The following TENM3 variants were observed in gnomAD, a reference collection of about 807,000 sequenced individuals.
TENM3 encodes teneurin transmembrane protein 3, also known as teneurin-3.
Under a neutral mutation model 255.1 loss-of-function variants are expected in TENM3, and 63 were observed. The observed-to-expected ratio is 0.25, with a 90% CI of 0.20 to 0.30. The LOEUF (loss-of-function observed/expected upper bound fraction) is 0.30. Ranked by LOEUF, TENM3 falls within the 10% of genes least tolerant of loss-of-function variation. The pLI is 1.00. For missense variants in TENM3, 2,929 were observed against 3,461.1 expected (o/e 0.85, Z 3.86); for synonymous variants, 1,306 against 1,322.3 (o/e 0.99, Z 0.27).
the TENM3 span, among the ~76,000 whole-genome samples, chr4:181,710,581 G>A: frequency 2.0e-5 from 3 of 152,080 alleles, no homozygotes; most frequent in Non-Finnish European, 4.4e-5. Context: ...CGGGCATGGT[G>A]GCAGGTGCCT....
intron 3 of TENM3, among the ~76,000 whole-genome samples, chr4:182,375,258 T>C (rs1474697277): frequency 2.6e-5 from 4 of 151,934 alleles, no homozygotes; most frequent in Admixed American, 2.6e-4. Flanking sequence ...AGATCATAAG[T>C]ATCAAGAAAA....
In TENM3 at chr4:182,775,125, A is replaced by G. The variant is rs1327839064; in HGVS notation, c.5276A>G (p.Lys1759Arg). Residue 1759 changes from lysine (K) to arginine (R), a missense_variant, in exon 24 of 28, where the codon AAA becomes AGA. Lys to Arg is a conservative substitution (Grantham distance 26). Around this residue, in one of 6 missense-constraint regions of TENM3, gnomAD observed 303 missense variants for 425.2 expected, o/e 0.71. Transcript: ENST00000511685. ...TTCCGAAAAGAGCAAGCCCAAGGGA[A>G]AGTCAATGTCTTTGGCCGCAAGCTC... ...WRFRKEQAQGKVNVFGRKLRV... is the reference protein window; with the variant it reads ...WRFRKEQAQGRVNVFGRKLRV... 3.1e-6 allele frequency: 5 copies of G among 1,614,030 alleles called. No individual in the cohort carries two copies. The highest frequency in any genetic ancestry group is 4.2e-6 in the Non-Finnish European group (5 of 1,179,888).
At position 182,706,879 on chromosome 4, in the gene TENM3, G is replaced by A. The variant is rs1053607095; in HGVS notation, c.2222-7208G>A. On this transcript the variant is annotated intron_variant, in intron 12 of 27. Transcript: ENST00000511685. The stretch of plus-strand genomic sequence containing the variant: ...CGAGGTGGGAGGATCACCCAAGCCC[G>A]GGAAGTTGAGGCTGCAGTGAGCCAA... Among the ~76,000 whole-genome samples, 7 of 151,796 alleles carry A rather than the reference G, an allele frequency of 4.6e-5. No homozygotes were observed. In the East Asian group the frequency reaches 1.2e-3, roughly 25 times the overall value.
the TENM3 span, among the ~76,000 whole-genome samples, chr4:181,591,520 A>G: frequency 6.6e-6 from 1 of 152,224 alleles, no homozygotes; most frequent in Non-Finnish European, 1.5e-5. Flanking sequence ...TTGTTCAAGC[A>G]TACTATAGCA....
chr4:182,194,351 C>T (rs1008170236), intron 1 of TENM3, among the ~76,000 whole-genome samples: 1 of 152,168 alleles, frequency 6.6e-6, no homozygotes, highest in African/African-American at 2.4e-5. Context: ...TACTGATGCA[C>T]GCGTGTTGCC....
chr4:182,439,687 C>T (rs1772314724), intron 3 of TENM3, among the ~76,000 whole-genome samples: 1 of 152,202 alleles, frequency 6.6e-6, no homozygotes, highest in Admixed American at 6.5e-5. Context: ...GACATTCACC[C>T]CATTATTCTA....
At position 182,456,956 on chromosome 4, in the gene TENM3, G is replaced by A. The variant is rs541780881; in HGVS notation, c.511+110027G>A. Among the ~76,000 whole-genome samples, 15 of 152,294 alleles carry A rather than the reference G, an allele frequency of 9.8e-5. No individual in the cohort carries two copies. The South Asian group carries it at 2.7e-3, about 27-fold the overall frequency. ...CCAGCACATTGGGAGGCCGAGGCAA[G>A]TGGATCACCTCAGGTCAGGAGTTCA... On this transcript the variant is annotated intron_variant, in intron 3 of 27. Coordinates refer to ENST00000511685, the MANE Select transcript of TENM3 (RefSeq NM_001080477.4).
the TENM3 span, among the ~76,000 whole-genome samples, chr4:182,073,997 T>G: frequency 6.6e-6 from 1 of 152,174 alleles, no homozygotes; most frequent in East Asian, 1.9e-4. Flanking sequence ...GGATAAGATT[T>G]TCCTCTGAAT....
At chr4:181,870,885 T>A in the TENM3 span, among the ~76,000 whole-genome samples, 1 of 152,130 alleles carries the variant, frequency 6.6e-6, no homozygotes, top group Admixed American at 6.5e-5. Context: ...CAATACCAGG[T>A]TTGAAAATCT....
intron 3 of TENM3, among the ~76,000 whole-genome samples, chr4:182,403,558 G>T (rs964456588): frequency 2.6e-5 from 4 of 152,192 alleles, no homozygotes; most frequent in Non-Finnish European, 5.9e-5. Flanking sequence ...ACTGAATTAT[G>T]TTTAAGTATT....
At position 182,685,349 on chromosome 4, in the gene TENM3, A is replaced by G. The variant is rs558454042; in HGVS notation, c.2036-2817A>G. On this transcript the variant is annotated intron_variant, in intron 11 of 27. Coordinates refer to ENST00000511685, the MANE Select transcript of TENM3 (RefSeq NM_001080477.4). ...ATTCACATCTGCTAGAGCAAATAAC[A>G]TGCATAGAATAAATAAGAGTAAAAA... is the stretch of plus-strand genomic sequence containing the variant. Among the ~76,000 whole-genome samples the G allele has an allele frequency of 2.6e-5, 4 of 152,202 alleles. No homozygotes were observed. In the East Asian group the frequency reaches 7.7e-4, roughly 29 times the overall value.
chr4:181,506,260 A>C, the TENM3 span, among the ~76,000 whole-genome samples: 1,478 of 152,206 alleles, frequency 9.7e-3, 7 homozygotes, highest in Non-Finnish European at 0.016. Context: ...TTGGGATATA[A>C]CACTATTTTG....
chr4:181,670,946 T>G, the TENM3 span, among the ~76,000 whole-genome samples: 43,722 of 152,132 alleles, frequency 0.29, 6,463 homozygotes, highest in African/African-American at 0.34. Flanking sequence ...ATGGGATTCT[T>G]GGCAAATTAT....
At chr4:182,002,981 C>T in the TENM3 span, among the ~76,000 whole-genome samples, 1 of 152,136 alleles carries the variant, frequency 6.6e-6, no homozygotes, top group African/African-American at 2.4e-5. Flanking sequence ...TTGTATATAA[C>T]TGTCACCAGA....
the TENM3 span, among the ~76,000 whole-genome samples, chr4:181,915,764 G>A: frequency 6.6e-6 from 1 of 151,936 alleles, no homozygotes; most frequent in Admixed American, 6.6e-5. Flanking sequence ...TGAGGAACAG[G>A]AAGGTGATTC....
chr4:181,847,906 C>G, the TENM3 span, among the ~76,000 whole-genome samples: 6 of 152,048 alleles, frequency 3.9e-5, no homozygotes, highest in Admixed American at 2.0e-4. Flanking sequence ...TGTGTAATTG[C>G]AAAACCTGCT....
At chr4:181,797,863 G>T in the TENM3 span, among the ~76,000 whole-genome samples, 1 of 152,138 alleles carries the variant, frequency 6.6e-6, no homozygotes, top group Admixed American at 6.6e-5. Flanking sequence ...AACCTATGAG[G>T]CGATAACCCT....
At chr4:182,410,878 A>G (rs973540369) in intron 3 of TENM3, among the ~76,000 whole-genome samples, 3 of 152,240 alleles carry the variant, frequency 2.0e-5, no homozygotes, top group African/African-American at 7.2e-5. Context: ...TGGAACTAAA[A>G]TATATTTTGA....
At chr4:181,686,144 A>T in the TENM3 span, among the ~76,000 whole-genome samples, 1 of 152,144 alleles carries the variant, frequency 6.6e-6, no homozygotes, top group African/African-American at 2.4e-5. Context: ...TGACTACAAC[A>T]TCTACAGTTT....
Sources: gnomAD v4.1 joint callset for allele counts (sites outside exome capture counted in the v4.1 genomes callset) on GRCh38, gnomAD v4.1.1 for gene constraint, gnomAD v4.1.1 regional missense constraint, MANE v1.5 for transcripts, NCBI Gene and HGNC (gene_info 2026-07-23, HGNC 2026-07-21) for gene names.